ZNF287: variants seen among roughly 807,000 people sequenced by gnomAD.
ZNF287 encodes the protein zinc finger protein 287, also known as zinc finger protein with KRAB and SCAN domains 13.
ZNF287 carries 31 observed loss-of-function variants against 73.7 expected under a neutral mutation model. The ratio of observed to expected loss-of-function variants is 0.42; its 90% CI spans 0.32 to 0.57. The LOEUF is 0.57. ZNF287 is among the 20% of genes least tolerant of loss of function. ZNF287 has a pLI of 0.13. For missense variants in ZNF287, 641 were observed against 909.3 expected, an observed-to-expected ratio of 0.70 and a Z score of 3.79; for synonymous variants, 301 against 307.2, an observed-to-expected ratio of 0.98 and a Z score of 0.21.
intron 5 of ZNF287, chr17:16,559,307 G>T (rs2142480289): frequency 6.6e-6 from 1 of 152,158 alleles, no homozygotes; most frequent in South Asian, 2.1e-4. Context: ...ATCCTTAGTG[G>T]TATATATTCT....
chr17:16,563,266 G>C, intron 4 of ZNF287, 34 bp from the exon 5 acceptor site: 2 of 1,501,802 alleles, frequency 1.3e-6, no homozygotes, highest in Non-Finnish European at 1.8e-6. Context: ...TTTTATCCTG[G>C]AGATAAATGG....
At chr17:16,554,483 CCA>C (rs1785968609) in intron 5 of ZNF287, among the ~76,000 whole-genome samples, 1 of 152,150 alleles carries the variant, frequency 6.6e-6, no homozygotes. Context: ...CTAAAGTTAT[CCA>C]CTACTTCTTC....
Position 16,551,242 on chromosome 17 carries a change from T to A in ZNF287, c.*614A>T, listed in dbSNP as rs1906634677. ...TAAAAGGCCTGAAAGCAGCTTACTC[T>A]TTTCTGTAATTTTAAGATCACTCTC... On this transcript the variant is annotated 3_prime_UTR_variant, in exon 6 of 6. Coordinates refer to ENST00000395825, the MANE Select transcript of ZNF287 (RefSeq NM_020653.4). The A allele has an allele frequency of 6.6e-6, 1 of 152,222 alleles. No homozygotes were observed. 9.4% of individuals were successfully genotyped at this position (152,222 alleles called of 1,614,324 possible).
rs190170206 is a variant in ZNF287, at chr17:16,551,452, T to C, written c.*404A>G. Reference sequence around the variant, plus strand: ...CAGGGATGGGAAACCTGCATAGATGTAGGGCTTTTCATATACACAGGTTCC... The same window carrying C: ...CAGGGATGGGAAACCTGCATAGATGCAGGGCTTTTCATATACACAGGTTCC... On this transcript the variant is annotated 3_prime_UTR_variant, in exon 6 of 6. Coordinates refer to ENST00000395825, the MANE Select transcript of ZNF287 (RefSeq NM_020653.4). 84 of 176,536 alleles carry C rather than the reference T, an allele frequency of 4.8e-4. No individual in the cohort carries two copies. Among genetic ancestry groups the C allele is most frequent in the Non-Finnish European group, 9.5e-4 (79 of 83,452 alleles). The allele number at this position is 176,536 out of a possible 1,614,324, so 10.9% of individuals were successfully genotyped here. A position where few individuals can be genotyped will look rare whatever the true frequency, so the allele number is the denominator to read the frequency against.
At position 16,552,396 on chromosome 17, in the gene ZNF287, A is replaced by C; in HGVS notation, c.1746T>G (p.His582Gln). Residue 582 changes from histidine (H) to glutamine (Q), a missense_variant, in exon 6 of 6, where the codon CAT (histidine) becomes CAG (glutamine). Physicochemically the swap from His to Gln is conservative, Grantham distance 24. Coordinates refer to ENST00000395825, the MANE Select transcript of ZNF287 (RefSeq NM_020653.4). The surrounding 1 kb of genome is among the most constrained non-coding windows in gnomAD (Gnocchi z 6.5). ...AFAHSSTLIQHQTTHTGEKSY... is the reference protein window; with the variant it reads ...AFAHSSTLIQQQTTHTGEKSY... Reference sequence around the variant, plus strand: ...ATTTCTCTCCAGTGTGAGTGGTTTGATGTTGAATAAGGGTTGAGGAATGAG... The same window carrying C: ...ATTTCTCTCCAGTGTGAGTGGTTTGCTGTTGAATAAGGGTTGAGGAATGAG... The C allele has an allele frequency of 6.2e-7, 1 of 1,613,990 alleles. No individual in the cohort carries two copies. Among genetic ancestry groups the C allele is most frequent in the Non-Finnish European group, 8.5e-7 (1 of 1,179,956 alleles).
Position 16,552,693 on chromosome 17 carries a change from C to T in ZNF287, c.1449G>A (p.Leu483=). Reference sequence around the variant, plus strand: ...TATGACTGAAGGTTTTACCACATTCCAAGCATTTATATGGTTTCTCTCCAG... The same window carrying T: ...TATGACTGAAGGTTTTACCACATTCTAAGCATTTATATGGTTTCTCTCCAG... The part of the protein sequence containing the change: ...THTGEKPYKC[L]ECGKTFSHSS... Residue 483 remains leucine, a synonymous_variant, in exon 6 of 6, where the codon TTG becomes TTA. Transcript: ENST00000395825. This position sits in a 1 kb window ranked among gnomAD's most constrained non-coding sequence, Gnocchi z 6.5. 6.2e-7 allele frequency: 1 copy of T among 1,613,720 alleles called. No homozygotes were observed. The highest frequency in any genetic ancestry group is 1.1e-5 in the South Asian group (1 of 91,042).
Position 16,552,397 on chromosome 17 carries a change from T to C in ZNF287, c.1745A>G (p.His582Arg). ...AFAHSSTLIQ[H>R]QTTHTGEKSY... ...TTTCTCTCCAGTGTGAGTGGTTTGA[T>C]GTTGAATAAGGGTTGAGGAATGAGC... The change falls in exon 6 of 6, where the codon CAT becomes CGT. Residue 582 changes from histidine (H) to arginine (R), a missense_variant. His to Arg is a conservative substitution (Grantham distance 29, BLOSUM62 0). This residue lies in a region of ZNF287 where 284 missense variants were observed against 466.8 expected (regional missense o/e 0.61). Coordinates refer to ENST00000395825, the MANE Select transcript of ZNF287 (RefSeq NM_020653.4). The surrounding 1 kb of genome is among the most constrained non-coding windows in gnomAD (Gnocchi z 6.5). The C allele has an allele frequency of 6.2e-7, 1 of 1,614,076 alleles. No individual in the cohort carries two copies. Among genetic ancestry groups the C allele is most frequent in the Non-Finnish European group, 8.5e-7 (1 of 1,179,962 alleles).
intron 3 of ZNF287, among the ~76,000 whole-genome samples, chr17:16,565,155 A>C (rs890454275): frequency 6.6e-6 from 1 of 151,834 alleles, no homozygotes; most frequent in Non-Finnish European, 1.5e-5. Context: ...CAGAAGTTTA[A>C]GACCAGCCTG....
chr17:16,555,636 A>C (rs1569016166), intron 5 of ZNF287, among the ~76,000 whole-genome samples: 4 of 150,910 alleles, frequency 2.7e-5, no homozygotes, highest in Non-Finnish European at 5.9e-5. Flanking sequence ...ACACACACAC[A>C]CACACCCCAA....
Position 16,552,177 on chromosome 17 carries a change from T to C in ZNF287, c.1965A>G (p.Lys655=), listed in dbSNP as rs1906715223. The part of the protein sequence containing the change: ...EKPFKCNICG[K]AYRQGANLTQ... Reference sequence around the variant, plus strand: ...TAAGATTTGCGCCTTGTCTATATGCTTTCCCACATATATTGCATTTAAAGG... The same window carrying C: ...TAAGATTTGCGCCTTGTCTATATGCCTTCCCACATATATTGCATTTAAAGG... The change falls in exon 6 of 6, where the codon AAA becomes AAG. Residue 655 remains lysine (K), a synonymous_variant. Coordinates refer to ENST00000395825, the MANE Select transcript of ZNF287 (RefSeq NM_020653.4). This position sits in a 1 kb window ranked among gnomAD's most constrained non-coding sequence, Gnocchi z 6.5. 3 of 1,614,070 alleles carry C rather than the reference T, an allele frequency of 1.9e-6. No homozygotes were observed. The East Asian group carries it at 6.7e-5, about 36-fold the overall frequency.
At chr17:16,560,442 C>T (rs1440946412) in intron 5 of ZNF287, among the ~76,000 whole-genome samples, 15 of 151,084 alleles carry the variant, frequency 9.9e-5, no homozygotes, top group African/African-American at 3.4e-4. Context: ...CCCCGCCTCC[C>T]GGGTTCAAGT....
chr17:16,558,680 T>G (rs1303493157), intron 5 of ZNF287, among the ~76,000 whole-genome samples: 2 of 152,158 alleles, frequency 1.3e-5, no homozygotes, highest in Non-Finnish European at 2.9e-5. Flanking sequence ...GTCAGTGTCT[T>G]AGATTTAAAA....
intron 3 of ZNF287, 23 bp downstream of exon 3, chr17:16,566,502 T>C (rs1198120652): frequency 6.3e-7 from 1 of 1,599,672 alleles, no homozygotes; most frequent in Non-Finnish European, 8.5e-7. Context: ...CATTTTAAAA[T>C]CAGAAAAGAC....
chr17:16,560,187 C>T (rs926055728), intron 5 of ZNF287, among the ~76,000 whole-genome samples: 15 of 151,670 alleles, frequency 9.9e-5, no homozygotes, highest in African/African-American at 3.6e-4. Flanking sequence ...GTCTCAAACT[C>T]CCGACCTCAA....
intron 5 of ZNF287, among the ~76,000 whole-genome samples, chr17:16,554,784 G>A (rs150464222): frequency 1.5e-3 from 221 of 152,270 alleles, no homozygotes; most frequent in African/African-American, 5.1e-3. Context: ...GACAGATGTG[G>A]TGGTGTGCAC....
chr17:16,563,375 C>G (rs56739493), intron 4 of ZNF287, 143 bp from the exon 5 acceptor site: 8,791 of 622,388 alleles, frequency 0.014, 259 homozygotes, highest in Admixed American at 0.083. Flanking sequence ...GAGAATTAGG[C>G]TGTTGATTGT....
intron 5 of ZNF287, among the ~76,000 whole-genome samples, chr17:16,554,984 C>T (rs1906947654): frequency 6.6e-6 from 1 of 151,950 alleles, no homozygotes; most frequent in Admixed American, 6.6e-5. Context: ...TTTTATAGGT[C>T]AAAATGGCTG....
intron 5 of ZNF287, among the ~76,000 whole-genome samples, chr17:16,559,735 CTAAGGTGAGCA>C (rs1457291137): frequency 1.3e-5 from 2 of 152,156 alleles, no homozygotes; most frequent in African/African-American, 2.4e-5. Flanking sequence ...AATCCCAAGT[CTAAGGTGAGCA>C]TAAGGTGAGC....
intron 4 of ZNF287, 70 bp from the exon 5 acceptor site, chr17:16,563,302 T>TCTA: frequency 8.9e-7 from 1 of 1,128,660 alleles, no homozygotes; most frequent in Non-Finnish European, 1.3e-6. Context: ...TTACCAGACT[T>TCTA]CTACCTATCT....
Sources: gnomAD v4.1 joint callset for allele counts (sites outside exome capture counted in the v4.1 genomes callset) on GRCh38, gnomAD v4.1.1 for gene constraint, gnomAD v4.1.1 regional missense constraint, Gnocchi (gnomAD v3.1) non-coding constraint, MANE v1.5 for transcripts, NCBI Gene and HGNC (gene_info 2026-07-23, HGNC 2026-07-21) for gene names.